Variants in HACD2 observed in about 807,000 individuals in gnomAD.
HACD2 encodes the protein very-long-chain (3R)-3-hydroxyacyl-CoA dehydratase 2.
A neutral mutation model predicts 31.0 loss-of-function variants in HACD2; 15 were observed. That is an observed-to-expected ratio of 0.48 (90% CI 0.32 to 0.75). The LOEUF is 0.75. Ranked by LOEUF, HACD2 falls within the 30% of genes least tolerant of loss-of-function variation. The pLI is 0.03. For synonymous variants in HACD2, 115 were observed against 122.2 expected, an observed-to-expected ratio of 0.94 and a Z score of 0.39; for missense variants, 283 against 313.0, an observed-to-expected ratio of 0.90 and a Z score of 0.72.
chr3:123,575,355 G>A (rs765888588), intron 2 of HACD2, among the ~76,000 whole-genome samples: 1 of 152,102 alleles, frequency 6.6e-6, no homozygotes, highest in Non-Finnish European at 1.5e-5. Flanking sequence ...GGCCTGAAGC[G>A]ATCCTCCCAC....
At position 123,562,297 on chromosome 3, in the gene HACD2, G is replaced by T. The variant is rs141467241; in HGVS notation, c.292+5465C>A. 1.8e-4 allele frequency among the ~76,000 whole-genome samples: 28 copies of T among 152,154 alleles called. No individual in the cohort carries two copies. The East Asian group carries it at 5.4e-3, about 29-fold the overall frequency. ...AACTCATTTACAGCTACACAGAAATGAGCCCCTCCATGGATTTTAGTTGAT... is the reference window on the plus strand; with the variant it reads ...AACTCATTTACAGCTACACAGAAATTAGCCCCTCCATGGATTTTAGTTGAT... On this transcript the variant is annotated intron_variant, in intron 3 of 6. Transcript: ENST00000383657.
At chr3:123,540,650 A>AT (rs1480851867) in intron 3 of HACD2, among the ~76,000 whole-genome samples, 2 of 152,162 alleles carry the variant, frequency 1.3e-5, no homozygotes, top group Non-Finnish European at 2.9e-5. Flanking sequence ...CCACCCTATT[A>AT]TTTTTATTGT....
At chr3:123,535,612 G>A (rs1243331422) in intron 3 of HACD2, among the ~76,000 whole-genome samples, 1 of 152,202 alleles carries the variant, frequency 6.6e-6, no homozygotes, top group African/African-American at 2.4e-5. Flanking sequence ...AGCCAGATTT[G>A]GAGAGAAATA....
chr3:123,545,195 C>A (rs1184531185), intron 3 of HACD2, among the ~76,000 whole-genome samples: 4 of 137,984 alleles, frequency 2.9e-5, no homozygotes, highest in Non-Finnish European at 4.6e-5. Context: ...GAAATAAAGT[C>A]TTTTGGTCAG....
chr3:123,581,581 C>T (rs1329010742), intron 2 of HACD2, among the ~76,000 whole-genome samples: 1 of 152,208 alleles, frequency 6.6e-6, no homozygotes, highest in African/African-American at 2.4e-5. Context: ...GCAGTGTCAG[C>T]TCCTTGGTTC....
intron 5 of HACD2, among the ~76,000 whole-genome samples, chr3:123,501,693 G>T (rs1249271702): frequency 6.6e-6 from 1 of 152,206 alleles, no homozygotes; most frequent in African/African-American, 2.4e-5. Flanking sequence ...AGGGTAAAAA[G>T]CTTCCACAGT....
intron 4 of HACD2, among the ~76,000 whole-genome samples, chr3:123,527,867 C>T (rs2056303862): frequency 6.6e-6 from 1 of 152,186 alleles, no homozygotes; most frequent in African/African-American, 2.4e-5. Flanking sequence ...TTTCGGTCAG[C>T]AGCAATCGGG....
At chr3:123,496,110 A>G (rs746789190) in intron 6 of HACD2, among the ~76,000 whole-genome samples, 1 of 151,944 alleles carries the variant, frequency 6.6e-6, no homozygotes, top group Non-Finnish European at 1.5e-5. Context: ...CATGGTCTGG[A>G]CCTCCTGGGC....
chr3:123,513,419 G>C (rs952483315), intron 4 of HACD2, among the ~76,000 whole-genome samples: 5 of 152,204 alleles, frequency 3.3e-5, no homozygotes, highest in African/African-American at 1.2e-4. Flanking sequence ...GATGCTAACA[G>C]GAGCAGGTGA....
At chr3:123,517,071 C>T (rs2056147498) in intron 4 of HACD2, among the ~76,000 whole-genome samples, 1 of 152,236 alleles carries the variant, frequency 6.6e-6, no homozygotes, top group African/African-American at 2.4e-5. Flanking sequence ...TAAGCAGTTA[C>T]CATTATTATT....
chr3:123,499,596 A>G (rs548746876), intron 6 of HACD2: 7 of 456,042 alleles, frequency 1.5e-5, no homozygotes, highest in South Asian at 1.1e-4. Flanking sequence ...ATTCATTCCG[A>G]TGATGCCATG....
At chr3:123,541,673 G>A (rs2056492241) in intron 3 of HACD2, among the ~76,000 whole-genome samples, 1 of 152,224 alleles carries the variant, frequency 6.6e-6, no homozygotes, top group African/African-American at 2.4e-5. Context: ...GAGGTTGGGA[G>A]AAGGTAAAGT....
chr3:123,583,940 T>C (rs2056994070), intron 1 of HACD2, among the ~76,000 whole-genome samples: 1 of 152,232 alleles, frequency 6.6e-6, no homozygotes, highest in African/African-American at 2.4e-5. Flanking sequence ...TCAACTCTTC[T>C]GTATGTTTGA....
intron 3 of HACD2, among the ~76,000 whole-genome samples, chr3:123,539,293 G>A (rs141972805): frequency 3.3e-5 from 5 of 152,260 alleles, no homozygotes; most frequent in East Asian, 1.9e-4. Flanking sequence ...ATATGGGGCC[G>A]GCTTGGTGAT....
At chr3:123,509,721 G>C (rs980042722) in intron 4 of HACD2, among the ~76,000 whole-genome samples, 5 of 151,916 alleles carry the variant, frequency 3.3e-5, no homozygotes, top group Admixed American at 2.0e-4. Context: ...GGATGGTCTC[G>C]ATCTCCTGAC....
chr3:123,499,513 GTAGT>G, intron 6 of HACD2: 1 of 409,870 alleles, frequency 2.4e-6, no homozygotes, highest in Non-Finnish European at 4.9e-6. Flanking sequence ...AAATCTGGAT[GTAGT>G]TTTTTTCTCA....
chr3:123,562,972 T>G (rs1321962451), intron 3 of HACD2, among the ~76,000 whole-genome samples: 1 of 152,232 alleles, frequency 6.6e-6, no homozygotes, highest in Non-Finnish European at 1.5e-5. Flanking sequence ...TATTGTTATC[T>G]CTAATTCCTT....
chr3:123,558,301 GA>G (rs1291692497), intron 3 of HACD2, among the ~76,000 whole-genome samples: 6 of 152,222 alleles, frequency 3.9e-5, no homozygotes. Context: ...ACAAGCCCCA[GA>G]GTGGGAGTGA....
chr3:123,533,396 G>A (rs996247583), intron 3 of HACD2, among the ~76,000 whole-genome samples: 1 of 152,204 alleles, frequency 6.6e-6, no homozygotes. Flanking sequence ...TGATCTGTCC[G>A]CCTCAGCATC....
Sources: allele counts gnomAD v4.1 joint callset (sites outside exome capture counted in the v4.1 genomes callset), GRCh38; gene constraint gnomAD v4.1.1; transcripts MANE v1.5; gene names NCBI Gene and HGNC (gene_info 2026-07-23, HGNC 2026-07-21).